Variants in CDKN1B observed in about 807,000 individuals in gnomAD.
CDKN1B encodes cyclin-dependent kinase inhibitor 1B.
Under a neutral mutation model 17.1 loss-of-function variants are expected in CDKN1B, and 7 were observed. That is an observed-to-expected ratio of 0.41 (90% CI 0.23 to 0.77). The LOEUF (loss-of-function observed/expected upper bound fraction) is 0.77, where lower values mean the gene tolerates loss of function less well. Ranked by LOEUF, CDKN1B falls within the 30% of genes least tolerant of loss-of-function variation. The probability of loss-of-function intolerance (pLI) is 0.33; values close to 1 mark genes in which losing one functional copy is unlikely to be tolerated. For synonymous variants in CDKN1B, 149 were observed against 104.3 expected, an observed-to-expected ratio of 1.43 and a Z score of -2.61; for missense variants, 337 against 262.0, an observed-to-expected ratio of 1.29 and a Z score of -1.98.
At position 12,718,180 on chromosome 12, in the gene CDKN1B, C is replaced by T. The variant is rs755989911; in HGVS notation, c.341C>T (p.Pro114Leu). The change falls in exon 1 of 3, where the codon CCG becomes CTG. Residue 114 changes from proline to leucine, a missense_variant. Transcript: ENST00000228872. ...QESQDVSGSR[P>L]AAPLIGAPAN... Reference sequence around the variant, plus strand: ...AGCCAGGATGTCAGCGGGAGCCGCCCGGCGGCGCCTTTAATTGGGGCTCCG... The same window carrying T: ...AGCCAGGATGTCAGCGGGAGCCGCCTGGCGGCGCCTTTAATTGGGGCTCCG... 3 of 1,613,126 alleles carry T rather than the reference C, an allele frequency of 1.9e-6. No homozygotes were observed. The highest frequency in any genetic ancestry group is 2.5e-6 in the Non-Finnish European group (3 of 1,179,782).
In CDKN1B at chr12:12,718,808, A is replaced by T; in HGVS notation, c.476-17A>T. The T allele has an allele frequency of 6.2e-7, 1 of 1,613,928 alleles. No homozygotes were observed. Among genetic ancestry groups the T allele is most frequent in the Non-Finnish European group, 8.5e-7 (1 of 1,179,932 alleles). On this transcript the variant is annotated splice_polypyrimidine_tract_variant and intron_variant, in intron 1 of 2. Transcript: ENST00000228872. ...TAAAGATTGTGTGTTCTTTTTAAAA[A>T]TTTCCCCTGCGCTTAGATTCTTCTA...
rs1946548415 is a variant in CDKN1B at position 12,722,369 on chromosome 12, A to G, written c.*1342A>G. On this transcript the variant is annotated 3_prime_UTR_variant, in exon 3 of 3. Transcript: ENST00000228872. ...ATCAATAAAGAAAACTTCCATAGCT[A>G]TTCATTGAGTCAAATTGTAATGTGC... The G allele has an allele frequency of 6.6e-6, 1 of 152,656 alleles. No individual in the cohort carries two copies. Among genetic ancestry groups the G allele is most frequent in the Non-Finnish European group, 1.5e-5 (1 of 68,032 alleles). 9.5% of individuals were successfully genotyped at this position (152,656 alleles called of 1,614,324 possible).
In CDKN1B at chr12:12,718,989, C is replaced by T. The variant is rs368944124; in HGVS notation, c.*8+35C>T. ...TCACTAAAGGAGCACGCACTGGAAC[C>T]CGGGGCCTTCAGACCTCACGATACC... On this transcript the variant is annotated intron_variant, in intron 2 of 2. Transcript: ENST00000228872. 6.2e-6 allele frequency: 10 copies of T among 1,611,908 alleles called. No individual in the cohort carries two copies. In the African/African-American group the frequency reaches 9.3e-5, roughly 15 times the overall value.
chr12:12,720,080 CAT>C (rs1286626968), intron 2 of CDKN1B, among the ~76,000 whole-genome samples: 16 of 152,252 alleles, frequency 1.1e-4, no homozygotes, highest in African/African-American at 3.6e-4. Flanking sequence ...TGTGACTTCA[CAT>C]ATCTTTTTCA....
chr12:12,720,490 T>G (rs1341858859), intron 2 of CDKN1B, among the ~76,000 whole-genome samples: 2 of 152,152 alleles, frequency 1.3e-5, no homozygotes, highest in Non-Finnish European at 2.9e-5. Context: ...AAGTTTAATC[T>G]GTCACAGGAG....
intron 2 of CDKN1B, 92 bp downstream of exon 2, chr12:12,719,046 T>G (rs893617706): frequency 6.5e-7 from 1 of 1,531,704 alleles, no homozygotes; most frequent in African/African-American, 1.4e-5. Context: ...AATTAAAAGC[T>G]TATGGGGTTT....
rs1040716924 is a variant in CDKN1B, at chr12:12,722,261, A to G, written c.*1234A>G. 1.3e-5 allele frequency: 2 copies of G among 152,662 alleles called. No homozygotes were observed. The highest frequency in any genetic ancestry group is 4.1e-4 in the South Asian group (2 of 4,832). 9.5% of individuals were successfully genotyped at this position (152,662 alleles called of 1,614,324 possible). ...CCCTCTTTTGTTAAATAATATGGCT[A>G]TGCTTAAAAGGTTGCATACTGAGCC... On this transcript the variant is annotated 3_prime_UTR_variant, in exon 3 of 3. Transcript: ENST00000228872.
chr12:12,718,564 C>T (rs900173153), intron 1 of CDKN1B, among the ~76,000 whole-genome samples: 1 of 152,130 alleles, frequency 6.6e-6, no homozygotes, highest in Non-Finnish European at 1.5e-5. Flanking sequence ...CTAGCAACTC[C>T]TAGGTATGTG....
chr12:12,718,813 C>G lies in CDKN1B; in HGVS notation c.476-12C>G. ...ATTGTGTGTTCTTTTTAAAAATTTC[C>G]CCTGCGCTTAGATTCTTCTACTCAA... On this transcript the variant is annotated splice_polypyrimidine_tract_variant and intron_variant, in intron 1 of 2. Transcript: ENST00000228872. The G allele has an allele frequency of 6.2e-7, 1 of 1,613,910 alleles. No homozygotes were observed. Among genetic ancestry groups the G allele is most frequent in the Non-Finnish European group, 8.5e-7 (1 of 1,179,938 alleles).
At chr12:12,718,672 T>G (rs142894418) in intron 1 of CDKN1B, among the ~76,000 whole-genome samples, 153 bp from the exon 2 acceptor site, 166 of 152,322 alleles carry the variant, frequency 1.1e-3, no homozygotes, top group Non-Finnish European at 1.8e-3. Context: ...AACCTCATTT[T>G]GTGCCCTTAA....
chr12:12,720,125 A>G (rs1381498667), intron 2 of CDKN1B, among the ~76,000 whole-genome samples: 1 of 152,228 alleles, frequency 6.6e-6, no homozygotes, highest in Non-Finnish European at 1.5e-5. Context: ...TAGAACCTCC[A>G]TTTTACAGCA....
rs1314573802 is a variant in CDKN1B, at chr12:12,721,875, ATCCC to A, written c.*851_*854del. The A allele has an allele frequency of 6.6e-6, 1 of 152,214 alleles. No individual in the cohort carries two copies. The highest frequency in any genetic ancestry group is 1.5e-5 in the Non-Finnish European group (1 of 68,036). 9.4% of individuals were successfully genotyped at this position (152,214 alleles called of 1,614,324 possible). A position where few individuals can be genotyped will look rare whatever the true frequency, so the allele number is the denominator to read the frequency against. On this transcript the variant is annotated 3_prime_UTR_variant, in exon 3 of 3. Coordinates refer to ENST00000228872, the MANE Select transcript of CDKN1B (RefSeq NM_004064.5). ...GTAAACACAGTCAAAATAATTCTAA[ATCCC>A]TCGATATTTTTAAAGATCTGTAAGT...
rs549943001 is a variant in CDKN1B, at chr12:12,717,714, C to T, written c.-126C>T. Reference sequence around the variant, plus strand: ...GGCCGTGGCTCGTCGGGGTCTGTGTCTTTTGGCTCCGAGGGCAGTCGCTGG... The same window carrying T: ...GGCCGTGGCTCGTCGGGGTCTGTGTTTTTTGGCTCCGAGGGCAGTCGCTGG... On this transcript the variant is annotated 5_prime_UTR_variant, in exon 1 of 3. Coordinates refer to ENST00000228872, the MANE Select transcript of CDKN1B (RefSeq NM_004064.5). 1.6e-3 allele frequency: 2,534 copies of T among 1,559,008 alleles called. 1 individual carries two copies. The highest frequency in any genetic ancestry group is 2.0e-3 in the Non-Finnish European group (2,326 of 1,162,120).
At position 12,721,784 on chromosome 12, in the gene CDKN1B, A is replaced by G. The variant is rs2136359377; in HGVS notation, c.*757A>G. The G allele has an allele frequency of 6.6e-6, 1 of 152,326 alleles. No homozygotes were observed. The highest frequency in any genetic ancestry group is 1.9e-4 in the East Asian group (1 of 5,186). 9.4% of individuals were successfully genotyped at this position (152,326 alleles called of 1,614,324 possible). On this transcript the variant is annotated 3_prime_UTR_variant, in exon 3 of 3. Transcript: ENST00000228872. ...TGCTTGGGAGTTTTGAATGTTAAGA[A>G]TTGACCATCTGCTTTTATTAAATTT...
intron 1 of CDKN1B, 38 bp downstream of exon 1, chr12:12,718,352 C>T (rs1946501657): frequency 1.9e-6 from 3 of 1,546,456 alleles, no homozygotes; most frequent in African/African-American, 2.7e-5. Flanking sequence ...GTGTTTGGGG[C>T]CCCGCTTTGC....
chr12:12,718,629 G>A (rs1946506779), intron 1 of CDKN1B, among the ~76,000 whole-genome samples, 196 bp from the exon 2 acceptor site: 1 of 152,006 alleles, frequency 6.6e-6, no homozygotes, highest in African/African-American at 2.4e-5. Context: ...AAGAGCTCTG[G>A]GGCGGAGAAT....
chr12:12,719,147 C>T (rs1946517535), intron 2 of CDKN1B, 193 bp downstream of exon 2: 1 of 652,444 alleles, frequency 1.5e-6, no homozygotes. Flanking sequence ...CCCAGAGATA[C>T]TTTCTCTTCA....
At position 12,718,769 on chromosome 12, in the gene CDKN1B, AT is replaced by A. The variant is rs1592281634; in HGVS notation, c.476-54del. The stretch of plus-strand genomic sequence containing the variant: ...ACTATGGGGCCAACTTCTGCCAGCC[AT>A]TGTTTTTTCTAATAAAGATTGTGTG... On this transcript the variant is annotated intron_variant, in intron 1 of 2. Transcript: ENST00000228872. 8 of 1,607,288 alleles carry A rather than the reference AT, an allele frequency of 5.0e-6. No homozygotes were observed. In the East Asian group the frequency reaches 1.6e-4, roughly 31 times the overall value.
chr12:12,721,242 A>G lies in CDKN1B; in HGVS notation c.*215A>G, dbSNP rs374976127. 1.4e-6 allele frequency: 1 copy of G among 707,000 alleles called. No individual in the cohort carries two copies. Among genetic ancestry groups the G allele is most frequent in the Non-Finnish European group, 2.6e-6 (1 of 385,392 alleles). 43.8% of individuals were successfully genotyped at this position (707,000 alleles called of 1,614,324 possible). ...AAAAGCGTTGGATGTAGCATTATGC[A>G]ATTAGGTTTTTCCTTATTTGCTTCA... On this transcript the variant is annotated 3_prime_UTR_variant, in exon 3 of 3. Transcript: ENST00000228872.
Sources: gnomAD v4.1 joint callset for allele counts (sites outside exome capture counted in the v4.1 genomes callset) on GRCh38, gnomAD v4.1.1 for gene constraint, MANE v1.5 for transcripts, NCBI Gene and HGNC (gene_info 2026-07-23, HGNC 2026-07-21) for gene names.